ARHGEF28: variants seen among roughly 807,000 people sequenced by gnomAD.
ARHGEF28 encodes Rho guanine nucleotide exchange factor 28, also known as 190 kDa guanine nucleotide exchange factor.
Under a neutral mutation model 206.6 loss-of-function variants are expected in ARHGEF28, and 152 were observed. That is an observed-to-expected ratio of 0.74 (90% CI 0.64 to 0.84). The LOEUF is 0.84. ARHGEF28 is among the 40% of genes least tolerant of loss of function. The pLI is 0.00. For missense variants in ARHGEF28, 2,028 were observed against 2,073.2 expected, an observed-to-expected ratio of 0.98 and a Z score of 0.42; for synonymous variants, 763 against 776.4, an observed-to-expected ratio of 0.98 and a Z score of 0.29.
At chr5:73,732,624 A>G (rs1750685854) in intron 2 of ARHGEF28, among the ~76,000 whole-genome samples, 1 of 152,160 alleles carries the variant, frequency 6.6e-6, no homozygotes, top group Non-Finnish European at 1.5e-5. Context: ...AATTCTCTGT[A>G]TAGCACTTAT....
intron 2 of ARHGEF28, among the ~76,000 whole-genome samples, chr5:73,706,345 AAAC>A (rs1054109422): frequency 4.6e-5 from 7 of 152,186 alleles, no homozygotes; most frequent in African/African-American, 1.4e-4. Flanking sequence ...CTCTGTCTCA[AAAC>A]AACAACAACA....
intron 35 of ARHGEF28, among the ~76,000 whole-genome samples, chr5:73,915,652 A>T (rs11744835): frequency 0.14 from 21,992 of 152,162 alleles, 1,808 homozygotes; most frequent in South Asian, 0.3. Flanking sequence ...AAACAACAAT[A>T]AAAAAACCCA....
chr5:73,861,841 T>G (rs746023513), intron 16 of ARHGEF28, among the ~76,000 whole-genome samples: 2 of 152,056 alleles, frequency 1.3e-5, no homozygotes, highest in African/African-American at 2.4e-5. Flanking sequence ...AGAAGTAATT[T>G]CAAAATTTAC....
At chr5:73,897,438 C>G (rs1345597544) in intron 29 of ARHGEF28, among the ~76,000 whole-genome samples, 1 of 152,148 alleles carries the variant, frequency 6.6e-6, no homozygotes, top group East Asian at 1.9e-4. Flanking sequence ...AAGTCTGGAG[C>G]CAAAGACTGG....
rs1748783679 is a variant in ARHGEF28 at position 73,704,130 on chromosome 5, TTGCTGGGAGGTCTA to T, written c.33+19251_33+19264del. Among the ~76,000 whole-genome samples the T allele has an allele frequency of 2.6e-5, 4 of 152,138 alleles. No homozygotes were observed. The South Asian group carries it at 8.3e-4, about 31-fold the overall frequency. On this transcript the variant is annotated intron_variant, in intron 2 of 35. Coordinates refer to ENST00000513042, the MANE Select transcript of ARHGEF28 (RefSeq NM_001177693.2). ...CATTTCCTGCTTTGACTAAGACAAG[TTGCTGGGAGGTCTA>T]TGCTTCTCCCCAGATAGACTAGTGA...
chr5:73,768,302 G>A (rs1168395755), intron 4 of ARHGEF28, among the ~76,000 whole-genome samples: 2 of 152,156 alleles, frequency 1.3e-5, no homozygotes, highest in African/African-American at 4.8e-5. Flanking sequence ...TAGATCCACT[G>A]ACAGCTTGCG....
chr5:73,806,571 A>G (rs1174864317), intron 9 of ARHGEF28, among the ~76,000 whole-genome samples: 1 of 139,510 alleles, frequency 7.2e-6, no homozygotes, highest in African/African-American at 2.7e-5. Context: ...ATCTATATAT[A>G]GTATGTATAT....
At position 73,722,330 on chromosome 5, in the gene ARHGEF28, C is replaced by T. The variant is rs1269680961; in HGVS notation, c.34-27507C>T. On this transcript the variant is annotated intron_variant, in intron 2 of 35. Transcript: ENST00000513042. ...CCCAGTGTGCTAAGTATGATTTCCT[C>T]TCTCTAAAACTCAGAGAAATTATAA... Among the ~76,000 whole-genome samples the T allele has an allele frequency of 2.0e-5, 3 of 152,302 alleles. No individual in the cohort carries two copies. In the East Asian group the frequency reaches 5.8e-4, roughly 29 times the overall value.
intron 4 of ARHGEF28, among the ~76,000 whole-genome samples, chr5:73,755,667 T>C (rs1028690199): frequency 7.2e-5 from 11 of 152,232 alleles, no homozygotes; most frequent in Non-Finnish European, 1.3e-4. Context: ...ATTGCAATAA[T>C]AGAAGCATAC....
At chr5:73,860,224 C>G (rs1759313151) in intron 16 of ARHGEF28, among the ~76,000 whole-genome samples, 1 of 152,116 alleles carries the variant, frequency 6.6e-6, no homozygotes, top group Non-Finnish European at 1.5e-5. Flanking sequence ...ATCTTATGTC[C>G]AAAATATCAT....
At chr5:73,814,877 G>A (rs930493405) in intron 9 of ARHGEF28, among the ~76,000 whole-genome samples, 2 of 152,114 alleles carry the variant, frequency 1.3e-5, no homozygotes, top group Non-Finnish European at 2.9e-5. Flanking sequence ...TGCATTTACC[G>A]TCTAGGGCTA....
chr5:73,726,239 G>T (rs555255448), intron 2 of ARHGEF28, among the ~76,000 whole-genome samples: 17 of 152,260 alleles, frequency 1.1e-4, no homozygotes, highest in Admixed American at 9.2e-4. Context: ...TCTTCAAAAT[G>T]ACAAGGAAGT....
In ARHGEF28 at chr5:73,673,790, G is replaced by A. The variant is rs1746491092; in HGVS notation, c.-11-11051G>A. 2.0e-5 allele frequency among the ~76,000 whole-genome samples: 3 copies of A among 152,112 alleles called. No individual in the cohort carries two copies. The South Asian group carries it at 6.2e-4, about 32-fold the overall frequency. ...ATCAAATCTCTTAATCGTCACAACA[G>A]TCTTTGGGATAGGTACTATGATTAA... On this transcript the variant is annotated intron_variant, in intron 1 of 35. Coordinates refer to ENST00000513042, the MANE Select transcript of ARHGEF28 (RefSeq NM_001177693.2).
At chr5:73,672,019 A>G (rs1022615854) in intron 1 of ARHGEF28, among the ~76,000 whole-genome samples, 1 of 151,850 alleles carries the variant, frequency 6.6e-6, no homozygotes, top group Non-Finnish European at 1.5e-5. Flanking sequence ...GGCCTCCCAA[A>G]GAACTTGATA....
chr5:73,890,659 G>A (rs1225054541), intron 26 of ARHGEF28, among the ~76,000 whole-genome samples: 1 of 152,170 alleles, frequency 6.6e-6, no homozygotes, highest in African/African-American at 2.4e-5. Flanking sequence ...CCTCTGATAT[G>A]GCCAAGCTGT....
intron 35 of ARHGEF28, among the ~76,000 whole-genome samples, chr5:73,931,723 A>C (rs1764132929): frequency 6.6e-6 from 1 of 152,200 alleles, no homozygotes; most frequent in Non-Finnish European, 1.5e-5. Flanking sequence ...TGAAGATAGT[A>C]ACTATGGTTT....
chr5:73,911,637 T>G (rs1171740917), intron 35 of ARHGEF28, 62 bp downstream of exon 35: 1 of 1,475,476 alleles, frequency 6.8e-7, no homozygotes, highest in African/African-American at 1.4e-5. Flanking sequence ...TCTGAATGGT[T>G]GGCTCTTGTG....
intron 18 of ARHGEF28, among the ~76,000 whole-genome samples, chr5:73,866,611 A>G (rs978744955): frequency 2.0e-5 from 3 of 152,236 alleles, no homozygotes; most frequent in African/African-American, 7.2e-5. Flanking sequence ...TTCAAGGCAT[A>G]CTGGAGTTTG....
At chr5:73,783,345 A>AGTGTGTGT (rs57320048) in intron 7 of ARHGEF28, among the ~76,000 whole-genome samples, 2,418 of 145,884 alleles carry the variant, frequency 0.017, 39 homozygotes, top group Middle Eastern at 0.035. Context: ...CCTGGAATAT[A>AGTGTGTGT]GTGTGTGTGT....
Sources: gnomAD v4.1 joint callset for allele counts (sites outside exome capture counted in the v4.1 genomes callset) on GRCh38, gnomAD v4.1.1 for gene constraint, MANE v1.5 for transcripts, NCBI Gene and HGNC (gene_info 2026-07-23, HGNC 2026-07-21) for gene names.